The following ZNF500 variants were observed in gnomAD, a reference collection of about 807,000 sequenced individuals.
ZNF500 encodes zinc finger protein with KRAB and SCAN domains 18.
A neutral mutation model predicts 30.1 loss-of-function variants in ZNF500; 31 were observed. The ratio of observed to expected loss-of-function variants is 1.03; its 90% CI spans 0.77 to 1.39. The LOEUF (loss-of-function observed/expected upper bound fraction) is 1.39, where lower values mean the gene tolerates loss of function less well. Among genes scored for constraint, ZNF500 ranks in the 40% most tolerant of loss-of-function variants. The probability of loss-of-function intolerance (pLI) is 0.00; values close to 1 mark genes in which losing one functional copy is unlikely to be tolerated. For synonymous variants in ZNF500, 392 were observed against 282.0 expected, an observed-to-expected ratio of 1.39 and a Z score of -3.91; for missense variants, 817 against 657.8, an observed-to-expected ratio of 1.24 and a Z score of -2.65.
chr16:4,759,492 A>G (rs975926214), intron 5 of ZNF500, among the ~76,000 whole-genome samples: 1 of 152,156 alleles, frequency 6.6e-6, no homozygotes, highest in Admixed American at 6.6e-5. Flanking sequence ...CTTCAGCCTT[A>G]AAAAGGAAAA....
chr16:4,744,980 C>T, downstream of ZNF500: 2 of 1,613,918 alleles, frequency 1.2e-6, no homozygotes, highest in South Asian at 2.2e-5. Flanking sequence ...CGACACTCCC[C>T]AGGACACCAA....
At chr16:4,759,949 G>A (rs1309037537) in intron 5 of ZNF500, among the ~76,000 whole-genome samples, 5 of 152,236 alleles carry the variant, frequency 3.3e-5, no homozygotes, top group East Asian at 1.9e-4. Context: ...TGAGGTGGGA[G>A]CATCGCTTGA....
At chr16:4,744,279 G>T (rs1445101420), downstream of ZNF500, among the ~76,000 whole-genome samples, 1 of 152,104 alleles carries the variant, frequency 6.6e-6, no homozygotes, top group East Asian at 1.9e-4. Flanking sequence ...TCAAGCTATT[G>T]CAATTAGAAA....
At chr16:4,744,817 G>A, downstream of ZNF500, 2 of 1,571,876 alleles carry the variant, frequency 1.3e-6, no homozygotes, top group South Asian at 2.2e-5. Context: ...GCTGCTGTAA[G>A]TCACAAGTGG....
At chr16:4,747,548 A>T, downstream of ZNF500, 1 of 1,612,624 alleles carries the variant, frequency 6.2e-7, no homozygotes, top group Non-Finnish European at 8.5e-7. Context: ...CCCAAGAGGC[A>T]GGCCCAGAGC....
intron 2 of ZNF500, chr16:4,764,170 T>C: frequency 1.2e-6 from 1 of 831,740 alleles, no homozygotes; most frequent in Non-Finnish European, 1.4e-6. Flanking sequence ...CAGTAGCCAC[T>C]GGCCATGTGT....
chr16:4,760,724 CCA>C (rs907106926), intron 4 of ZNF500, 136 bp from the exon 5 acceptor site: 12 of 705,190 alleles, frequency 1.7e-5, no homozygotes, highest in Non-Finnish European at 1.2e-5. Flanking sequence ...CTGGTCTTCT[CCA>C]CTCTCGTTGC....
chr16:4,765,181 G>C (rs970083222), intron 2 of ZNF500, among the ~76,000 whole-genome samples: 2 of 152,108 alleles, frequency 1.3e-5, no homozygotes, highest in African/African-American at 4.8e-5. Flanking sequence ...CATGCCTGTA[G>C]TCCCAGCTAC....
chr16:4,766,022 C>T lies in ZNF500; in HGVS notation c.-44G>A. On this transcript the variant is annotated 5_prime_UTR_variant, in exon 2 of 6. Coordinates refer to ENST00000219478, the MANE Select transcript of ZNF500 (RefSeq NM_021646.4). ...TTCCTTTTCAGGCCTTAGAGTTGAA[C>T]CTGTCTCTCTCTATACCTCTGGCCA... 1 of 1,511,768 alleles carries T rather than the reference C, an allele frequency of 6.6e-7. No individual in the cohort carries two copies. The highest frequency in any genetic ancestry group is 8.8e-7 in the Non-Finnish European group (1 of 1,137,828). The allele number at this position is 1,511,768 out of a possible 1,614,324, so 93.6% of individuals were successfully genotyped here.
At chr16:4,755,451 G>A (rs1046986303) in intron 5 of ZNF500, among the ~76,000 whole-genome samples, 2 of 151,982 alleles carry the variant, frequency 1.3e-5, no homozygotes, top group Non-Finnish European at 2.9e-5. Flanking sequence ...CGAGTAGCTG[G>A]GATTACAGGA....
At position 4,752,386 on chromosome 16, in the gene ZNF500, G is replaced by A. The variant is rs1272353927; in HGVS notation, c.1433C>T (p.Ala478Val). Reference sequence around the variant, plus strand: ...TTTCAGGCCTGGTGATCAGGCTTTGGCACCGGGGCCTCCAGGAGCCACCGG... The same window carrying A: ...TTTCAGGCCTGGTGATCAGGCTTTGACACCGGGGCCTCCAGGAGCCACCGG... ...LQPVAPGGPG[A>V]KA The change falls in exon 6 of 6, where the codon GCC becomes GTC. Residue 478 changes from alanine (A) to valine (V), a missense_variant. Physicochemically the swap from Ala to Val is moderately conservative, Grantham distance 64 (BLOSUM62 0). Transcript: ENST00000219478. 7.3e-6 allele frequency: 11 copies of A among 1,504,014 alleles called. No homozygotes were observed. Among genetic ancestry groups the A allele is most frequent in the Non-Finnish European group, 9.7e-6 (11 of 1,129,514 alleles). 93.2% of individuals were successfully genotyped at this position (1,504,014 alleles called of 1,614,324 possible). A position where few individuals can be genotyped will look rare whatever the true frequency, so the allele number is the denominator to read the frequency against.
chr16:4,764,521 C>T (rs146372721), intron 2 of ZNF500, among the ~76,000 whole-genome samples: 1 of 151,662 alleles, frequency 6.6e-6, no homozygotes, highest in Non-Finnish European at 1.5e-5. Flanking sequence ...GTGGCTCACG[C>T]CTGTAATCCC....
intron 5 of ZNF500, among the ~76,000 whole-genome samples, chr16:4,758,768 C>G (rs1215692579): frequency 6.6e-6 from 1 of 152,148 alleles, no homozygotes; most frequent in Non-Finnish European, 1.5e-5. Flanking sequence ...TACTGATGAC[C>G]AACCAGAGCC....
chr16:4,765,228 G>A (rs1006954477), intron 2 of ZNF500, among the ~76,000 whole-genome samples: 5 of 152,178 alleles, frequency 3.3e-5, no homozygotes, highest in Admixed American at 1.3e-4. Flanking sequence ...TTGAAGCCTG[G>A]AGGTAGAGGC....
In ZNF500 at chr16:4,750,852, T is replaced by C. The variant is rs1454253791; in HGVS notation, c.*1524A>G. 1 of 146,672 alleles carries C rather than the reference T, an allele frequency of 6.8e-6. No homozygotes were observed. The highest frequency in any genetic ancestry group is 1.5e-5 in the Non-Finnish European group (1 of 67,240). The allele number at this position is 146,672 out of a possible 1,614,324, so 9.1% of individuals were successfully genotyped here. A position where few individuals can be genotyped will look rare whatever the true frequency, so the allele number is the denominator to read the frequency against. On this transcript the variant is annotated 3_prime_UTR_variant, in exon 6 of 6. Coordinates refer to ENST00000219478, the MANE Select transcript of ZNF500 (RefSeq NM_021646.4). ...TCTTTCTATATTGCCCAGGCTGCTC[T>C]TGAACTCCTGGGCTCAAGCAATCCA... is the stretch of plus-strand genomic sequence containing the variant.
intron 5 of ZNF500, among the ~76,000 whole-genome samples, chr16:4,756,853 T>G (rs898627852): frequency 6.6e-6 from 1 of 151,970 alleles, no homozygotes; most frequent in African/African-American, 2.4e-5. Context: ...ATGGTGGCAT[T>G]GACCTGTGGT....
In ZNF500 at chr16:4,760,585, G is replaced by A. The variant is rs772809848; in HGVS notation, c.667C>T (p.Pro223Ser). 3.1e-6 allele frequency: 5 copies of A among 1,612,994 alleles called. No individual in the cohort carries two copies. In the Admixed American group the frequency reaches 6.7e-5, roughly 22 times the overall value. Residue 223 changes from proline to serine, a missense_variant, in exon 5 of 6, where the codon CCC (proline) becomes TCC (serine). Coordinates refer to ENST00000219478, the MANE Select transcript of ZNF500 (RefSeq NM_021646.4). ...SPFLSAWSQV[P>S]VNLEDVAVYL... ...ACAGCCACGTCCTCCAAGTTCACGG[G>A]CACCTGCCAGAACGCACCCCACTCA...
chr16:4,765,387 A>G (rs552662285), intron 2 of ZNF500, among the ~76,000 whole-genome samples, 178 bp downstream of exon 2: 1 of 152,328 alleles, frequency 6.6e-6, no homozygotes, highest in Non-Finnish European at 1.5e-5. Context: ...GATGAGGTTA[A>G]TCAAAGGGTG....
chr16:4,765,659 T>C lies in ZNF500; in HGVS notation c.320A>G (p.Gln107Arg), dbSNP rs1596508794. The C allele has an allele frequency of 6.2e-7, 1 of 1,613,692 alleles. No individual in the cohort carries two copies. Among genetic ancestry groups the C allele is most frequent in the Non-Finnish European group, 8.5e-7 (1 of 1,179,984 alleles). ...CGGCTGCTGCTCGCGTACCCGAGCC[T>C]GGATCTCCCCCGGCAGCACAGTCAG... is the stretch of plus-strand genomic sequence containing the variant. ...QFLTVLPGEI[Q>R]ARVREQQPES... Residue 107 changes from glutamine (Q) to arginine (R), a missense_variant, in exon 2 of 6, where the codon CAG becomes CGG. Gln to Arg is a conservative substitution (Grantham distance 43). Transcript: ENST00000219478.
Sources: allele counts gnomAD v4.1 joint callset (sites outside exome capture counted in the v4.1 genomes callset), GRCh38; gene constraint gnomAD v4.1.1; transcripts MANE v1.5; gene names NCBI Gene and HGNC (gene_info 2026-07-23, HGNC 2026-07-21).